PDE6B: variants seen among roughly 807,000 people sequenced by gnomAD.
PDE6B encodes phosphodiesterase 6B.
PDE6B carries 106 observed loss-of-function variants against 109.0 expected under a neutral mutation model. The ratio of observed to expected loss-of-function variants is 0.97; its 90% confidence interval spans 0.83 to 1.14. PDE6B has a LOEUF of 1.14. Among genes scored for constraint, PDE6B ranks in the 50% most tolerant of loss-of-function variants. The pLI, the probability that PDE6B is intolerant of heterozygous loss-of-function variation, is 0.00. For synonymous variants in PDE6B, 490 were observed against 471.3 expected (o/e 1.04, Z -0.51); for missense variants, 1,193 against 1,155.6 (o/e 1.03, Z -0.47).
rs142350331 is a variant in PDE6B, at chr4:654,886, T to C, written c.990T>C (p.Ile330=). 42 of 1,514,444 alleles carry C rather than the reference T, an allele frequency of 2.8e-5. No individual in the cohort carries two copies. Among genetic ancestry groups the C allele is most frequent in the Admixed American group, 5.0e-5 (3 of 59,850 alleles). 93.8% of individuals were successfully genotyped at this position (1,514,444 alleles called of 1,614,324 possible). A position where few individuals can be genotyped will look rare whatever the true frequency, so the allele number is the denominator to read the frequency against. ...VLHGKEEIKV[I]PTPSADHWAL... ...ACGGCAAGGAGGAGATCAAGGTCAT[T>C]CCGTAAGTGCAGGATTTTACCAGAA... is the stretch of plus-strand genomic sequence containing the variant. The change falls in exon 6 of 22, where the codon ATT becomes ATC. Residue 330 remains isoleucine, a splice_region_variant and synonymous_variant. Transcript: ENST00000496514.
chr4:655,694 C>A lies in PDE6B; in HGVS notation c.993-246C>A, dbSNP rs1312266040. The A allele has an allele frequency of 8.3e-6, 5 of 602,266 alleles. No individual in the cohort carries two copies. In the East Asian group the frequency reaches 1.1e-4, roughly 14 times the overall value. The allele number at this position is 602,266 out of a possible 1,614,324, so 37.3% of individuals were successfully genotyped here. A position where few individuals can be genotyped will look rare whatever the true frequency, so the allele number is the denominator to read the frequency against. On this transcript the variant is annotated intron_variant, in intron 6 of 21. Coordinates refer to ENST00000496514, the MANE Select transcript of PDE6B (RefSeq NM_000283.4). ...CTGAGGATGGCACATGAGCCAGAGA[C>A]CCCCAGACCCCTGCACACACGCCCA...
At chr4:654,191 C>A (rs373065560) in intron 5 of PDE6B, 37 bp downstream of exon 5, 1 of 1,560,652 alleles carries the variant, frequency 6.4e-7, no homozygotes. Context: ...CCTGTCCACA[C>A]GCCTCTGTTT....
chr4:631,212 G>T (rs1386580187), intron 1 of PDE6B, among the ~76,000 whole-genome samples: 1 of 152,254 alleles, frequency 6.6e-6, no homozygotes, highest in African/African-American at 2.4e-5. Flanking sequence ...GGAAGGCTCT[G>T]TGGCTGTTCC....
At chr4:655,745 A>C (rs1001027555) in intron 6 of PDE6B, 195 bp from the exon 7 acceptor site, 2 of 655,416 alleles carry the variant, frequency 3.1e-6, no homozygotes, top group African/African-American at 3.5e-5. Context: ...GTACACCTAC[A>C]TCCAGCGCAG....
intron 11 of PDE6B, 45 bp from the exon 12 acceptor site, chr4:660,422 G>T: frequency 6.2e-7 from 1 of 1,602,664 alleles, no homozygotes; most frequent in Non-Finnish European, 8.5e-7. Context: ...AGCAAGTGGG[G>T]GCTGTGGCAG....
At chr4:637,128 C>G (rs574433269) in intron 3 of PDE6B, among the ~76,000 whole-genome samples, 1 of 152,140 alleles carries the variant, frequency 6.6e-6, no homozygotes, top group Non-Finnish European at 1.5e-5. Flanking sequence ...TATTTTCTTG[C>G]TCACGTGAGT....
chr4:649,210 G>A (rs1006618530), intron 3 of PDE6B, among the ~76,000 whole-genome samples: 3 of 152,154 alleles, frequency 2.0e-5, no homozygotes, highest in African/African-American at 4.8e-5. Flanking sequence ...TTAATACAGT[G>A]TTCTAGTTTA....
In PDE6B at chr4:665,447, C is replaced by T. The variant is rs1737687578; in HGVS notation, c.2268+118C>T. 2.7e-6 allele frequency: 2 copies of T among 734,500 alleles called. No homozygotes were observed. The highest frequency in any genetic ancestry group is 1.7e-5 in the African/African-American group (1 of 57,744). 45.5% of individuals were successfully genotyped at this position (734,500 alleles called of 1,614,324 possible). On this transcript the variant is annotated intron_variant, in intron 19 of 21. Coordinates refer to ENST00000496514, the MANE Select transcript of PDE6B (RefSeq NM_000283.4). This position sits in a 1 kb window ranked among gnomAD's most constrained non-coding sequence, Gnocchi z 4.0. Reference sequence around the variant, plus strand: ...GCAGGGGGTTCTGAGGTCGTGGGGTCCTTATCTCACTTTGTGGGATCATGT... The same window carrying T: ...GCAGGGGGTTCTGAGGTCGTGGGGTTCTTATCTCACTTTGTGGGATCATGT...
chr4:668,486 CA>C (rs561047858), intron 21 of PDE6B, among the ~76,000 whole-genome samples: 6,281 of 114,510 alleles, frequency 0.055, 230 homozygotes, highest in African/African-American at 0.088. Context: ...ATGCTGCTCC[CA>C]CTACCCCATG....
At chr4:652,441 G>C (rs1030839148) in intron 3 of PDE6B, 1 of 937,286 alleles carries the variant, frequency 1.1e-6, no homozygotes, top group Non-Finnish European at 1.3e-6. Context: ...AGAGAAAGCA[G>C]AGACGTTGGT....
chr4:627,551 G>T (rs1734173250), intron 1 of PDE6B, among the ~76,000 whole-genome samples: 2 of 152,114 alleles, frequency 1.3e-5, no homozygotes, highest in South Asian at 4.1e-4. Flanking sequence ...CTCCTAAGAA[G>T]TGGGGCACCC....
At chr4:629,624 C>T (rs759688288) in intron 1 of PDE6B, among the ~76,000 whole-genome samples, 3 of 152,244 alleles carry the variant, frequency 2.0e-5, no homozygotes, top group East Asian at 1.9e-4. Context: ...GGGTCCTGCA[C>T]GTCGCCAGCA....
In PDE6B at chr4:634,754, T is replaced by A. The variant is rs368094720; in HGVS notation, c.546T>A (p.Asn182Lys). 4 of 1,613,402 alleles carry A rather than the reference T, an allele frequency of 2.5e-6. No individual in the cohort carries two copies. The highest frequency in any genetic ancestry group is 1.1e-5 in the South Asian group (1 of 91,078). Residue 182 changes from asparagine to lysine, a missense_variant, in exon 2 of 22, where the codon AAT becomes AAA. By Grantham distance (94) the Asn-to-Lys change is moderately conservative (BLOSUM62 0). Coordinates refer to ENST00000496514, the MANE Select transcript of PDE6B (RefSeq NM_000283.4). ...TKNMLATPIM[N>K]GKDVVAVIMA... ...ATATGCTGGCCACACCCATCATGAA[T>A]GGCAAAGACGTCGTGGCGGTGATCA...
rs1351830989 is a variant in PDE6B at position 666,390 on chromosome 4, G to A, written c.2269-141G>A. On this transcript the variant is annotated intron_variant, in intron 19 of 21. Transcript: ENST00000496514. This position sits in a 1 kb window ranked among gnomAD's most constrained non-coding sequence, Gnocchi z 5.6. ...GGAGAGGGTGTCAGCTTCCCCTCCCGAGAGCCAGTTTCTGTCAGGCAGGCT... is the reference window on the plus strand; with the variant it reads ...GGAGAGGGTGTCAGCTTCCCCTCCCAAGAGCCAGTTTCTGTCAGGCAGGCT... 8.7e-6 allele frequency: 6 copies of A among 687,556 alleles called. No individual in the cohort carries two copies. The highest frequency in any genetic ancestry group is 4.0e-5 in the Admixed American group (2 of 49,978). The allele number at this position is 687,556 out of a possible 1,614,324, so 42.6% of individuals were successfully genotyped here.
chr4:653,453 A>C, intron 3 of PDE6B: 1 of 701,656 alleles, frequency 1.4e-6, no homozygotes, highest in Non-Finnish European at 2.0e-6. Context: ...GGCGGAGGCC[A>C]CAGGCGGCCT....
chr4:656,152 T>G (rs1445803716), intron 7 of PDE6B, 93 bp from the exon 8 acceptor site: 5 of 1,063,174 alleles, frequency 4.7e-6, no homozygotes, highest in Non-Finnish European at 7.4e-6. Context: ...CTTTACCTAC[T>G]TAAAAGCTCA....
In PDE6B at chr4:663,993, G is replaced by T; in HGVS notation, c.2022-121G>T. On this transcript the variant is annotated intron_variant, in intron 16 of 21. Coordinates refer to ENST00000496514, the MANE Select transcript of PDE6B (RefSeq NM_000283.4). This position sits in a 1 kb window ranked among gnomAD's most constrained non-coding sequence, Gnocchi z 4.0. The stretch of plus-strand genomic sequence containing the variant: ...GCAGCCCCGGATTCCGTCCCTGCCC[G>T]CCGGCCCCGCGCACCCCGGATGGGG... 1 of 1,108,704 alleles carries T rather than the reference G, an allele frequency of 9.0e-7. No individual in the cohort carries two copies. Among genetic ancestry groups the T allele is most frequent in the Non-Finnish European group, 1.4e-6 (1 of 731,012 alleles). The allele number at this position is 1,108,704 out of a possible 1,614,324, so 68.7% of individuals were successfully genotyped here. A position where few individuals can be genotyped will look rare whatever the true frequency, so the allele number is the denominator to read the frequency against.
At chr4:660,984 A>AGTGG (rs1737019689) in intron 12 of PDE6B, among the ~76,000 whole-genome samples, 2 of 37,990 alleles carry the variant, frequency 5.3e-5, no homozygotes, top group Non-Finnish European at 1.0e-4. Flanking sequence ...TAGTTGGATA[A>AGTGG]ATGGATGGGT....
intron 3 of PDE6B, 116 bp from the exon 4 acceptor site, chr4:653,736 G>A: frequency 8.7e-7 from 1 of 1,153,282 alleles, no homozygotes; most frequent in Non-Finnish European, 1.3e-6. Flanking sequence ...GGCTGGGCAG[G>A]TGGTCAGATC....
Sources: allele counts gnomAD v4.1 joint callset (sites outside exome capture counted in the v4.1 genomes callset), GRCh38; gene constraint gnomAD v4.1.1; non-coding constraint Gnocchi (gnomAD v3.1); transcripts MANE v1.5; gene names NCBI Gene and HGNC (gene_info 2026-07-23, HGNC 2026-07-21).